RASGRF2: variants seen among roughly 807,000 people sequenced by gnomAD.
RASGRF2 encodes the protein Ras protein specific guanine nucleotide releasing factor 2.
A neutral mutation model predicts 151.0 loss-of-function variants in RASGRF2; 76 were observed. The observed-to-expected ratio is 0.50, with a 90% CI of 0.42 to 0.61. RASGRF2 has a LOEUF of 0.61. RASGRF2 is among the 20% of genes least tolerant of loss of function. RASGRF2 has a pLI of 0.00. For missense variants in RASGRF2, 1,148 were observed against 1,564.6 expected (o/e 0.73, Z 4.49); for synonymous variants, 504 against 566.5 (o/e 0.89, Z 1.57).
intron 17 of RASGRF2, among the ~76,000 whole-genome samples, chr5:81,130,281 G>T (rs141062215): frequency 6.6e-6 from 1 of 152,302 alleles, no homozygotes; most frequent in East Asian, 1.9e-4. Flanking sequence ...TGTTGATGTT[G>T]CCTATCATGC....
chr5:80,960,493 C>T lies in RASGRF2; in HGVS notation c.-246C>T, dbSNP rs557294649. ...CGGGCGTTGGGGGCTTGGGGGGCTC[C>T]GGGGGCTCGGCCGGGAGGGTGGTGG... On this transcript the variant is annotated 5_prime_UTR_variant, in exon 1 of 27. Coordinates refer to ENST00000265080, the MANE Select transcript of RASGRF2 (RefSeq NM_006909.3). This position sits in a 1 kb window ranked among gnomAD's most constrained non-coding sequence, Gnocchi z 5.5. Among the ~76,000 whole-genome samples the T allele has an allele frequency of 5.9e-3, 891 of 150,674 alleles. 9 individuals carry two copies. The highest frequency in any genetic ancestry group is 0.021 in the African/African-American group (862 of 41,356).
chr5:81,159,654 A>T (rs1328707160), intron 17 of RASGRF2, among the ~76,000 whole-genome samples: 1 of 152,170 alleles, frequency 6.6e-6, no homozygotes. Context: ...TGATTGCAAA[A>T]CTATAAATTT....
chr5:81,023,031 G>T (rs867397264), intron 1 of RASGRF2, among the ~76,000 whole-genome samples: 20 of 141,730 alleles, frequency 1.4e-4, no homozygotes, highest in Admixed American at 5.0e-4. Context: ...GAGTCCAGAT[G>T]CACTTTTCTT....
chr5:81,095,697 TAACTC>T (rs910462446), intron 12 of RASGRF2, among the ~76,000 whole-genome samples: 4 of 152,196 alleles, frequency 2.6e-5, no homozygotes, highest in African/African-American at 9.6e-5. Context: ...TCAAAGTTGT[TAACTC>T]AAAGAAACTG....
At chr5:81,139,367 C>T (rs1424903429) in intron 17 of RASGRF2, among the ~76,000 whole-genome samples, 1 of 146,034 alleles carries the variant, frequency 6.8e-6, no homozygotes, top group Non-Finnish European at 1.5e-5. Context: ...TCTTCCTTTC[C>T]AATCTATACG....
At chr5:81,141,520 T>A (rs1753884827) in intron 17 of RASGRF2, among the ~76,000 whole-genome samples, 1 of 152,226 alleles carries the variant, frequency 6.6e-6, no homozygotes, top group African/African-American at 2.4e-5. Context: ...GAGCCTCAGA[T>A]CTCTCCACTG....
At chr5:81,118,782 T>A (rs1753227674) in intron 15 of RASGRF2, among the ~76,000 whole-genome samples, 1 of 152,342 alleles carries the variant, frequency 6.6e-6, no homozygotes, top group South Asian at 2.1e-4. Flanking sequence ...TTCTTAATAT[T>A]TTGCTTATAA....
chr5:80,981,226 C>T (rs34999), intron 1 of RASGRF2, among the ~76,000 whole-genome samples: 100,318 of 151,920 alleles, frequency 0.66, 33,236 homozygotes, highest in East Asian at 0.76. Context: ...TACCACAGCA[C>T]GGGTTCCAAG....
At chr5:81,063,990 C>T (rs1751520194) in intron 2 of RASGRF2, among the ~76,000 whole-genome samples, 1 of 152,152 alleles carries the variant, frequency 6.6e-6, no homozygotes, top group Admixed American at 6.5e-5. Flanking sequence ...TGCTGCTTAA[C>T]AATTTTTAAA....
chr5:81,092,652 C>A, intron 9 of RASGRF2, 149 bp from the exon 10 acceptor site: 1 of 733,934 alleles, frequency 1.4e-6, no homozygotes, highest in Non-Finnish European at 2.3e-6. Context: ...TCTGCTCAGA[C>A]TGGAAGAGAG....
chr5:80,978,937 C>T (rs1449221323), intron 1 of RASGRF2, among the ~76,000 whole-genome samples: 1 of 152,178 alleles, frequency 6.6e-6, no homozygotes, highest in African/African-American at 2.4e-5. Flanking sequence ...GACTGTACAG[C>T]ATTCTATCAC....
chr5:81,140,271 C>G (rs1396636449), intron 17 of RASGRF2, among the ~76,000 whole-genome samples: 1 of 152,108 alleles, frequency 6.6e-6, no homozygotes, highest in Non-Finnish European at 1.5e-5. Flanking sequence ...ATTCAGGACA[C>G]CTTTTTGTTT....
At chr5:81,034,993 T>C (rs1750430346) in intron 1 of RASGRF2, among the ~76,000 whole-genome samples, 1 of 152,054 alleles carries the variant, frequency 6.6e-6, no homozygotes, top group South Asian at 2.1e-4. Flanking sequence ...GGAGAGGATG[T>C]GGAGAAATAG....
chr5:81,089,625 G>T (rs1752335101), intron 9 of RASGRF2, among the ~76,000 whole-genome samples: 6 of 152,154 alleles, frequency 3.9e-5, no homozygotes, highest in Admixed American at 3.9e-4. Context: ...TTAATAGTTT[G>T]TTGAATAAAT....
chr5:81,208,231 G>A, intron 21 of RASGRF2, 123 bp from the exon 22 acceptor site: 1 of 733,750 alleles, frequency 1.4e-6, no homozygotes, highest in East Asian at 2.8e-5. Context: ...AGCAGCAGGT[G>A]TCAGGAACCA....
chr5:80,975,289 T>C (rs1483584307), intron 1 of RASGRF2, among the ~76,000 whole-genome samples: 2 of 152,114 alleles, frequency 1.3e-5, no homozygotes, highest in Non-Finnish European at 2.9e-5. Flanking sequence ...GCTGTCTTGT[T>C]TGCTTAATGA....
intron 18 of RASGRF2, 117 bp downstream of exon 18, chr5:81,180,398 C>G (rs1754886704): frequency 1.5e-6 from 1 of 666,748 alleles, no homozygotes. Flanking sequence ...AACCTTGACA[C>G]TGGAACTTAG....
At chr5:81,102,135 G>A (rs977395780) in intron 12 of RASGRF2, among the ~76,000 whole-genome samples, 6 of 152,160 alleles carry the variant, frequency 3.9e-5, no homozygotes, top group South Asian at 2.1e-4. Context: ...TAAAGCCATA[G>A]CAGAAAGCTT....
chr5:81,162,479 C>T (rs1169226598), intron 17 of RASGRF2, among the ~76,000 whole-genome samples: 1 of 152,140 alleles, frequency 6.6e-6, no homozygotes, highest in Non-Finnish European at 1.5e-5. Context: ...TCATGAGTAG[C>T]TGGGACTACA....
Sources: allele counts gnomAD v4.1 joint callset (sites outside exome capture counted in the v4.1 genomes callset), GRCh38; gene constraint gnomAD v4.1.1; non-coding constraint Gnocchi (gnomAD v3.1); transcripts MANE v1.5; gene names NCBI Gene and HGNC (gene_info 2026-07-23, HGNC 2026-07-21).